CLCC1: variants seen among roughly 807,000 people sequenced by gnomAD.
The protein encoded by CLCC1 is chloride channel CLIC-like protein 1.
A neutral mutation model predicts 63.3 loss-of-function variants in CLCC1; 39 were observed. The observed-to-expected ratio is 0.62, with a 90% confidence interval of 0.48 to 0.81. The LOEUF (loss-of-function observed/expected upper bound fraction) is 0.81, where lower values mean the gene tolerates loss of function less well. Among genes scored for constraint, CLCC1 ranks in the 30% least tolerant of loss-of-function variants. The probability of loss-of-function intolerance (pLI) is 0.00; values close to 1 mark genes in which losing one functional copy is unlikely to be tolerated. For missense variants in CLCC1, 549 were observed against 669.4 expected (o/e 0.82, Z 1.98); for synonymous variants, 217 against 239.8 (o/e 0.90, Z 0.88).
At chr1:108,959,041 G>A (rs1656290564) in intron 2 of CLCC1, among the ~76,000 whole-genome samples, 1 of 151,836 alleles carries the variant, frequency 6.6e-6, no homozygotes, top group South Asian at 2.1e-4. Flanking sequence ...GAGCGTGGTG[G>A]CACATGCCTG....
At chr1:108,932,559 G>GT (rs1208937058) in intron 12 of CLCC1, 58 bp from the exon 13 acceptor site, 1 of 152,150 alleles carries the variant, frequency 6.6e-6, no homozygotes, top group African/African-American at 2.4e-5. Flanking sequence ...AAAGAATTTG[G>GT]TTTTGGATTA....
chr1:108,947,784 G>T, intron 4 of CLCC1, 66 bp from the exon 5 acceptor site: 1 of 1,044,074 alleles, frequency 9.6e-7, no homozygotes, highest in Non-Finnish European at 1.4e-6. Context: ...TAAGTTTCTA[G>T]CCTAGTGCTG....
rs369590271 is a variant in CLCC1 at position 108,955,979 on chromosome 1, C to A, written c.-11-5531G>T. 1.7e-4 allele frequency among the ~76,000 whole-genome samples: 26 copies of A among 151,700 alleles called. 2 individuals carry two copies. Among genetic ancestry groups the A allele is most frequent in the African/African-American group, 6.4e-4 (26 of 40,942 alleles). Reference sequence around the variant, plus strand: ...AGCCTGTAGACAGCCTATCATGGTACTTCTCGGCACCCATAATCATATGAG... The same window carrying A: ...AGCCTGTAGACAGCCTATCATGGTAATTCTCGGCACCCATAATCATATGAG... On this transcript the variant is annotated intron_variant, in intron 2 of 12. Coordinates refer to ENST00000369969, the MANE Select transcript of CLCC1 (RefSeq NM_001377458.1).
chr1:108,944,664 C>CT (rs1437676792), intron 5 of CLCC1, among the ~76,000 whole-genome samples: 4 of 151,120 alleles, frequency 2.6e-5, no homozygotes, highest in African/African-American at 9.7e-5. Flanking sequence ...GAGTCTCACT[C>CT]TGTCGCCCAG....
Position 108,963,383 on chromosome 1 carries a change from C to A in CLCC1, c.-195G>T, listed in dbSNP as rs944080484. On this transcript the variant is annotated 5_prime_UTR_variant, in exon 1 of 13. Transcript: ENST00000369969. Reference sequence around the variant, plus strand: ...CACGTCCGGGATCCCCTGCCTGCCTCTCGAGGAAGACACCTGCCCAGGCCG... The same window carrying A: ...CACGTCCGGGATCCCCTGCCTGCCTATCGAGGAAGACACCTGCCCAGGCCG... 18 of 702,322 alleles carry A rather than the reference C, an allele frequency of 2.6e-5. No individual in the cohort carries two copies. The African/African-American group carries it at 2.6e-4, about 10-fold the overall frequency. 43.5% of individuals were successfully genotyped at this position (702,322 alleles called of 1,614,324 possible).
At position 108,939,637 on chromosome 1, in the gene CLCC1, A is replaced by C. The variant is rs369217403; in HGVS notation, c.1040T>G (p.Leu347Arg). ...CAGTGCTAATATATTAATACTAACC[A>C]GGATGGCTAATGCCATAATTATCAG... ...PVLIIMALAILSFCYGAGKSV... is the reference protein window; with the variant it reads ...PVLIIMALAIRSFCYGAGKSV... Residue 347 changes from leucine (L) to arginine (R), a missense_variant and splice_region_variant, in exon 10 of 13, where the codon CTG becomes CGG. By Grantham distance (102) the Leu-to-Arg change is moderately radical. Transcript: ENST00000369969. The C allele has an allele frequency of 6.2e-7, 1 of 1,613,832 alleles. No individual in the cohort carries two copies. Among genetic ancestry groups the C allele is most frequent in the Non-Finnish European group, 8.5e-7 (1 of 1,179,934 alleles).
chr1:108,942,132 G>C (rs941612767), intron 7 of CLCC1, among the ~76,000 whole-genome samples: 11 of 152,114 alleles, frequency 7.2e-5, no homozygotes, highest in African/African-American at 2.7e-4. Flanking sequence ...GTCCCAGATA[G>C]GAGGCTGAGG....
At chr1:108,946,909 A>C (rs965884205) in intron 5 of CLCC1, among the ~76,000 whole-genome samples, 4 of 152,146 alleles carry the variant, frequency 2.6e-5, no homozygotes, top group Admixed American at 2.0e-4. Context: ...CACACCTGTA[A>C]TCCCAGCACT....
At position 108,949,149 on chromosome 1, in the gene CLCC1, C is replaced by G. The variant is rs565315860; in HGVS notation, c.231+671G>C. ...TCTTCAACCCATCACTGCCTCATTTCAGACCTTCAGCATTGCTGGACCTCT... is the reference window on the plus strand; with the variant it reads ...TCTTCAACCCATCACTGCCTCATTTGAGACCTTCAGCATTGCTGGACCTCT... On this transcript the variant is annotated intron_variant, in intron 4 of 12. Transcript: ENST00000369969. Among the ~76,000 whole-genome samples, 462 of 152,362 alleles carry G rather than the reference C, an allele frequency of 3.0e-3. 2 individuals carry two copies. The highest frequency in any genetic ancestry group is 0.011 in the African/African-American group (442 of 41,584).
At chr1:108,939,599 G>A (rs777511448) in intron 10 of CLCC1, 37 bp downstream of exon 10, 55 of 1,592,228 alleles carry the variant, frequency 3.5e-5, no homozygotes, top group South Asian at 9.0e-5. Context: ...GTGAGCCACC[G>A]CGCCTGGCCC....
At chr1:108,935,386 G>A (rs997656654) in intron 11 of CLCC1, among the ~76,000 whole-genome samples, 2 of 152,216 alleles carry the variant, frequency 1.3e-5, no homozygotes, top group Non-Finnish European at 2.9e-5. Flanking sequence ...GAATTAAAGA[G>A]GCTATGTAAA....
chr1:108,940,748 C>T (rs1457884868), intron 8 of CLCC1, among the ~76,000 whole-genome samples: 1 of 152,208 alleles, frequency 6.6e-6, no homozygotes, highest in Non-Finnish European at 1.5e-5. Context: ...ATTTCACTGT[C>T]CACTGAAGCC....
chr1:108,963,318 C>G (rs971090149), intron 1 of CLCC1, 43 bp downstream of exon 1: 1 of 678,698 alleles, frequency 1.5e-6, no homozygotes, highest in Non-Finnish European at 2.7e-6. Context: ...GGCGGGTAAC[C>G]CGCCCCACCC....
intron 2 of CLCC1, among the ~76,000 whole-genome samples, chr1:108,957,963 A>G (rs1295544344): frequency 1.3e-5 from 2 of 151,400 alleles, no homozygotes; most frequent in Admixed American, 6.6e-5. Context: ...CCAGCAAGAG[A>G]TAATTCTAGT....
intron 10 of CLCC1, among the ~76,000 whole-genome samples, chr1:108,938,327 CAA>C (rs1314588173): frequency 6.6e-6 from 1 of 152,256 alleles, no homozygotes; most frequent in East Asian, 1.9e-4. Flanking sequence ...GCACATGAAA[CAA>C]AAACAGATGG....
chr1:108,950,538 T>TTG, intron 2 of CLCC1, 90 bp from the exon 3 acceptor site: 2 of 734,132 alleles, frequency 2.7e-6, no homozygotes, highest in Non-Finnish European at 3.7e-6. Context: ...TTATTATTTT[T>TTG]AGAGACAGGG....
intron 2 of CLCC1, among the ~76,000 whole-genome samples, chr1:108,950,999 C>A (rs1338535121): frequency 6.6e-6 from 1 of 152,088 alleles, no homozygotes; most frequent in African/African-American, 2.4e-5. Context: ...CCAGCAATTC[C>A]ATTGCTAGGT....
At chr1:108,956,533 C>T (rs867711575) in intron 2 of CLCC1, among the ~76,000 whole-genome samples, 11 of 150,604 alleles carry the variant, frequency 7.3e-5, no homozygotes, top group East Asian at 5.8e-4. Flanking sequence ...TGGTGGCACG[C>T]GCCTGTAGTC....
intron 5 of CLCC1, among the ~76,000 whole-genome samples, chr1:108,945,821 CATTA>C (rs765538445): frequency 2.0e-5 from 3 of 152,172 alleles, no homozygotes; most frequent in South Asian, 4.1e-4. Context: ...ACAAATTTTG[CATTA>C]ATTAGCCAGT....
Sources: gnomAD v4.1 joint callset for allele counts (sites outside exome capture counted in the v4.1 genomes callset) on GRCh38, gnomAD v4.1.1 for gene constraint, MANE v1.5 for transcripts, NCBI Gene and HGNC (gene_info 2026-07-23, HGNC 2026-07-21) for gene names.